CTIF: variants seen among roughly 807,000 people sequenced by gnomAD.
CTIF encodes cap binding complex dependent translation initiation factor.
Under a neutral mutation model 66.0 loss-of-function variants are expected in CTIF, and 21 were observed. That is an observed-to-expected ratio of 0.32 (90% CI 0.23 to 0.46). The LOEUF (loss-of-function observed/expected upper bound fraction) is 0.46. Ranked by LOEUF, CTIF falls within the 20% of genes least tolerant of loss-of-function variation. The pLI is 1.00. For missense variants in CTIF, 739 were observed against 812.7 expected (o/e 0.91, Z 1.10); for synonymous variants, 345 against 326.4 (o/e 1.06, Z -0.62).
chr18:48,801,332 T>C lies in CTIF; in HGVS notation c.1372-15889T>C, dbSNP rs759446650. ...GATCACCATTTCACAGACGCAAACG[T>C]TGGTCTCCCCCAAGCTCCCTAGACT... On this transcript the variant is annotated intron_variant, in intron 9 of 11. Coordinates refer to ENST00000256413, the MANE Select transcript of CTIF (RefSeq NM_014772.3). 3.3e-5 allele frequency among the ~76,000 whole-genome samples: 5 copies of C among 152,298 alleles called. No homozygotes were observed. In the South Asian group the frequency reaches 1.0e-3, roughly 32 times the overall value.
At chr18:48,762,905 T>C (rs1047995366) in intron 9 of CTIF, among the ~76,000 whole-genome samples, 1 of 152,192 alleles carries the variant, frequency 6.6e-6, no homozygotes, top group Non-Finnish European at 1.5e-5. Flanking sequence ...CTCCTCTGCA[T>C]GTGAGTTGCA....
intron 7 of CTIF, among the ~76,000 whole-genome samples, chr18:48,720,282 G>T (rs1398277397): frequency 6.6e-6 from 1 of 152,116 alleles, no homozygotes; most frequent in Non-Finnish European, 1.5e-5. Context: ...GGGACGGGGG[G>T]GATGCTTCTT....
intron 9 of CTIF, among the ~76,000 whole-genome samples, chr18:48,772,481 T>TACAGCAATAACTCCCCC: frequency 6.6e-6 from 1 of 151,576 alleles, no homozygotes; most frequent in Non-Finnish European, 1.5e-5. Context: ...ATAACTCCCC[T>TACAGCAATAACTCCCCC]ACAGCAATAA....
chr18:48,707,389 T>C (rs1341877284), intron 6 of CTIF, among the ~76,000 whole-genome samples: 1 of 152,216 alleles, frequency 6.6e-6, no homozygotes, highest in Admixed American at 6.5e-5. Flanking sequence ...TGGTCCTTCC[T>C]GTCATTGGGT....
chr18:48,611,568 T>TA (rs1369527037), intron 1 of CTIF, among the ~76,000 whole-genome samples: 1 of 152,238 alleles, frequency 6.6e-6, no homozygotes, highest in African/African-American at 2.4e-5. Context: ...ATTTCAAGTG[T>TA]AGTTCTCTGA....
In CTIF at chr18:48,859,585, C is replaced by T. The variant is rs1180644918; in HGVS notation, c.*26C>T. 1.2e-6 allele frequency: 2 copies of T among 1,608,196 alleles called. No homozygotes were observed. Among genetic ancestry groups the T allele is most frequent in the South Asian group, 1.1e-5 (1 of 90,970 alleles). On this transcript the variant is annotated 3_prime_UTR_variant, in exon 12 of 12. Transcript: ENST00000256413. The stretch of plus-strand genomic sequence containing the variant: ...CAGCCAGGGGGCCTGGCAGGCGGCC[C>T]ACGGGCAGCTGGGGCCCTGGTGCAC...
intron 10 of CTIF, among the ~76,000 whole-genome samples, 179 bp from the exon 11 acceptor site, chr18:48,857,409 G>A (rs546186448): frequency 1.3e-5 from 2 of 152,180 alleles, no homozygotes; most frequent in Non-Finnish European, 2.9e-5. Flanking sequence ...GCCACCCGGC[G>A]CAACTGACTT....
intron 1 of CTIF, among the ~76,000 whole-genome samples, chr18:48,595,425 A>G (rs1327721017): frequency 6.6e-6 from 1 of 151,994 alleles, no homozygotes; most frequent in African/African-American, 2.4e-5. Flanking sequence ...TTATTTTTTA[A>G]TTAATTAATT....
intron 1 of CTIF, among the ~76,000 whole-genome samples, chr18:48,560,258 G>A (rs1210420281): frequency 1.4e-5 from 2 of 145,062 alleles, no homozygotes; most frequent in Non-Finnish European, 3.0e-5. Flanking sequence ...ACAGAGTCTC[G>A]CTCTGTTGCC....
intron 6 of CTIF, among the ~76,000 whole-genome samples, chr18:48,706,884 T>G (rs553569618): frequency 1.1e-3 from 165 of 152,354 alleles, no homozygotes; most frequent in African/African-American, 3.9e-3. Context: ...TACTTGTCTC[T>G]CAGGCCCATT....
intron 8 of CTIF, 35 bp downstream of exon 8, chr18:48,758,440 C>T (rs780749185): frequency 4.0e-5 from 62 of 1,552,374 alleles, no homozygotes; most frequent in Non-Finnish European, 5.3e-5. Context: ...TTCTCTTGCA[C>T]CAGGGAGGAC....
chr18:48,815,504 C>G (rs1207246160), intron 9 of CTIF, among the ~76,000 whole-genome samples: 1 of 152,344 alleles, frequency 6.6e-6, no homozygotes, highest in Admixed American at 6.5e-5. Context: ...TACTGTTTTA[C>G]ATATAAATAT....
Position 48,619,732 on chromosome 18 carries a change from C to T in CTIF, c.167C>T (p.Ser56Phe). 6.3e-7 allele frequency: 1 copy of T among 1,596,844 alleles called. No individual in the cohort carries two copies. Among genetic ancestry groups the T allele is most frequent in the Non-Finnish European group, 8.5e-7 (1 of 1,172,124 alleles). Residue 56 changes from serine to phenylalanine, a missense_variant, in exon 2 of 12, where the codon TCC (serine) becomes TTC (phenylalanine). Ser to Phe is a radical substitution (Grantham distance 155, BLOSUM62 -2). Transcript: ENST00000256413. ...GATGGCGAGAGCGAGAGGACCCAGTCCCACATCTCCCAGGTGAGCGCGGGC... is the reference window on the plus strand; with the variant it reads ...GATGGCGAGAGCGAGAGGACCCAGTTCCACATCTCCCAGGTGAGCGCGGGC... ...EGDGESERTQ[S>F]HISQWTADCS...
chr18:48,861,409 TC>T lies in CTIF; in HGVS notation c.*1852del. ...TTCTCAAGCTCCTCCTCACTGCCCT[TC>T]CTCCCCAGCCCAGCCTGGGAACACA... On this transcript the variant is annotated 3_prime_UTR_variant, in exon 12 of 12. Transcript: ENST00000256413. 1 of 152,832 alleles carries T rather than the reference TC, an allele frequency of 6.5e-6. No homozygotes were observed. Among genetic ancestry groups the T allele is most frequent in the East Asian group, 1.9e-4 (1 of 5,198 alleles). 9.5% of individuals were successfully genotyped at this position (152,832 alleles called of 1,614,324 possible).
intron 9 of CTIF, among the ~76,000 whole-genome samples, chr18:48,768,215 A>G (rs1338410456): frequency 2.0e-5 from 3 of 152,128 alleles, no homozygotes; most frequent in Non-Finnish European, 4.4e-5. Context: ...TATCTTTTAC[A>G]TAGGAAGGGA....
chr18:48,858,377 C>G (rs1249178976), intron 11 of CTIF, among the ~76,000 whole-genome samples: 1 of 152,138 alleles, frequency 6.6e-6, no homozygotes, highest in African/African-American at 2.4e-5. Context: ...GCTGGGCACC[C>G]TACAGGGGGC....
At chr18:48,684,351 A>G (rs529787158) in intron 6 of CTIF, among the ~76,000 whole-genome samples, 69 of 152,324 alleles carry the variant, frequency 4.5e-4, no homozygotes, top group African/African-American at 1.6e-3. Flanking sequence ...TGCGTCCTCA[A>G]GTGACCCGTT....
At chr18:48,812,563 C>T (rs1346409870) in intron 9 of CTIF, among the ~76,000 whole-genome samples, 4 of 151,796 alleles carry the variant, frequency 2.6e-5, no homozygotes, top group East Asian at 3.9e-4. Flanking sequence ...GAAAATTCAG[C>T]GGGGGCAACG....
intron 7 of CTIF, among the ~76,000 whole-genome samples, chr18:48,755,165 C>T (rs1298762574): frequency 1.3e-5 from 2 of 152,206 alleles, no homozygotes; most frequent in Non-Finnish European, 2.9e-5. Flanking sequence ...TTGTGAGAAT[C>T]AATTATTATC....
Sources: allele counts gnomAD v4.1 joint callset (sites outside exome capture counted in the v4.1 genomes callset), GRCh38; gene constraint gnomAD v4.1.1; transcripts MANE v1.5; gene names NCBI Gene and HGNC (gene_info 2026-07-23, HGNC 2026-07-21).